Variants in LRCH1 observed in about 807,000 individuals in gnomAD.
LRCH1 encodes the protein leucine-rich repeat and calponin homology domain-containing protein 1.
LRCH1 carries 23 observed loss-of-function variants against 94.9 expected under a neutral mutation model. The observed-to-expected ratio is 0.24, with a 90% CI of 0.17 to 0.34. The LOEUF (loss-of-function observed/expected upper bound fraction) is 0.34. Among genes scored for constraint, LRCH1 ranks in the 10% least tolerant of loss-of-function variants. The pLI is 1.00. For missense variants in LRCH1, 790 were observed against 945.9 expected (o/e 0.84, Z 2.16); for synonymous variants, 364 against 354.9 (o/e 1.03, Z -0.29).
Position 46,744,325 on chromosome 13 carries a change from T to A in LRCH1, c.*2477T>A. On this transcript the variant is annotated 3_prime_UTR_variant, in exon 20 of 20. Transcript: ENST00000389797. ...TTCAGTACTCCCTTCCAATGTTAGATAAAAGGAGCCAAGTATCTATTTACA... is the reference window on the plus strand; with the variant it reads ...TTCAGTACTCCCTTCCAATGTTAGAAAAAAGGAGCCAAGTATCTATTTACA... The A allele has an allele frequency of 1.0e-6, 1 of 985,452 alleles. No individual in the cohort carries two copies. Among genetic ancestry groups the A allele is most frequent in the Non-Finnish European group, 1.2e-6 (1 of 829,934 alleles). The allele number at this position is 985,452 out of a possible 1,614,324, so 61.0% of individuals were successfully genotyped here.
Position 46,743,905 on chromosome 13 carries a change from T to C in LRCH1, c.*2057T>C. Reference sequence around the variant, plus strand: ...TATTTTAATTCTGGCATCCAAAGTATTCTTTGGACGCACTTTGATTTTTTT... The same window carrying C: ...TATTTTAATTCTGGCATCCAAAGTACTCTTTGGACGCACTTTGATTTTTTT... On this transcript the variant is annotated 3_prime_UTR_variant, in exon 20 of 20. Transcript: ENST00000389797. 1 of 985,428 alleles carries C rather than the reference T, an allele frequency of 1.0e-6. No homozygotes were observed. Among genetic ancestry groups the C allele is most frequent in the Non-Finnish European group, 1.2e-6 (1 of 829,900 alleles). 61.0% of individuals were successfully genotyped at this position (985,428 alleles called of 1,614,324 possible).
rs1157739766 is a variant in LRCH1 at position 46,694,935 on chromosome 13, G to A, written c.1163G>A (p.Gly388Asp). 6.2e-7 allele frequency: 1 copy of A among 1,614,128 alleles called. No individual in the cohort carries two copies. The highest frequency in any genetic ancestry group is 1.1e-5 in the South Asian group (1 of 91,084). Residue 388 changes from glycine to aspartate, a missense_variant, in exon 9 of 20, where the codon GGT becomes GAT. Physicochemically the swap from Gly to Asp is moderately conservative, Grantham distance 94. This residue lies in a region of LRCH1 where 460 missense variants were observed against 508.9 expected (regional missense o/e 0.90). Transcript: ENST00000389797. ...TTTCAACCGGAGCCTTCCCTTTTGG[G>A]TGACAGCACCAACTCAGGAGAAGAA... ...QEFQPEPSLLGDSTNSGEERD... is the reference protein window; with the variant it reads ...QEFQPEPSLLDDSTNSGEERD...
chr13:46,719,253 G>A (rs542425857), intron 16 of LRCH1, among the ~76,000 whole-genome samples: 1 of 152,342 alleles, frequency 6.6e-6, no homozygotes, highest in East Asian at 1.9e-4. Context: ...TTGCAATGAC[G>A]TTCTCCAAAC....
At chr13:46,736,118 C>G (rs1009979622) in intron 19 of LRCH1, among the ~76,000 whole-genome samples, 17 of 142,210 alleles carry the variant, frequency 1.2e-4, no homozygotes, top group South Asian at 1.2e-3. Flanking sequence ...CAAATTTGCT[C>G]TGTGTGTGTG....
intron 1 of LRCH1, among the ~76,000 whole-genome samples, chr13:46,557,298 C>G (rs760268292): frequency 7.3e-5 from 11 of 151,364 alleles, no homozygotes; most frequent in Non-Finnish European, 1.6e-4. Context: ...GCAGGAGGTT[C>G]TAGAAAATAA....
chr13:46,677,441 A>G (rs1175605846), intron 3 of LRCH1, among the ~76,000 whole-genome samples: 1 of 152,164 alleles, frequency 6.6e-6, no homozygotes, highest in Non-Finnish European at 1.5e-5. Context: ...AAACAAAACA[A>G]AACAAAAAAA....
rs183456690 is a variant in LRCH1, at chr13:46,614,844, A to C, written c.308-35357A>C. Among the ~76,000 whole-genome samples the C allele has an allele frequency of 3.3e-4, 50 of 152,336 alleles. 2 individuals carry two copies. In the Middle Eastern group the frequency reaches 0.02, roughly 62 times the overall value. ...TATCAAAACATTTTGTCCCATGAGG[A>C]GAGGCAGTGAGTCAGAAAATCCTGT... On this transcript the variant is annotated intron_variant, in intron 1 of 19. Coordinates refer to ENST00000389797, the MANE Select transcript of LRCH1 (RefSeq NM_001164211.2).
At position 46,711,831 on chromosome 13, in the gene LRCH1, A is replaced by G; in HGVS notation, c.1568A>G (p.Tyr523Cys). Residue 523 changes from tyrosine (Y) to cysteine (C), a missense_variant, in exon 14 of 20, where the codon TAT (tyrosine) becomes TGT (cysteine). Tyr to Cys is a radical substitution (Grantham distance 194). This residue lies in a region of LRCH1 where 460 missense variants were observed against 508.9 expected (regional missense o/e 0.90). Coordinates refer to ENST00000389797, the MANE Select transcript of LRCH1 (RefSeq NM_001164211.2). ...ACATTACAGAGTAACGGGAGCCAGTATTCTCCAAATGAGGTAAGTTTCTTG... is the reference window on the plus strand; with the variant it reads ...ACATTACAGAGTAACGGGAGCCAGTGTTCTCCAAATGAGGTAAGTTTCTTG... ...DLTLQSNGSQ[Y>C]SPNEIRENSP... is the part of the protein sequence containing the mutation. The G allele has an allele frequency of 6.2e-7, 1 of 1,613,198 alleles. No individual in the cohort carries two copies. The highest frequency in any genetic ancestry group is 8.5e-7 in the Non-Finnish European group (1 of 1,179,342).
intron 1 of LRCH1, among the ~76,000 whole-genome samples, chr13:46,644,987 C>T (rs1480845259): frequency 6.6e-6 from 1 of 152,176 alleles, no homozygotes; most frequent in Non-Finnish European, 1.5e-5. Flanking sequence ...GAGGCTCTGA[C>T]CAGCCCTTAG....
chr13:46,599,691 A>G (rs2050604939), intron 1 of LRCH1, among the ~76,000 whole-genome samples: 1 of 152,208 alleles, frequency 6.6e-6, no homozygotes, highest in Non-Finnish European at 1.5e-5. Context: ...AAATATTTGC[A>G]TTTTCCATGT....
intron 3 of LRCH1, among the ~76,000 whole-genome samples, chr13:46,669,754 C>G (rs974332022): frequency 2.0e-5 from 3 of 152,082 alleles, no homozygotes; most frequent in African/African-American, 7.2e-5. Flanking sequence ...TACCCTTTTT[C>G]TAAATTGGGA....
In LRCH1 at chr13:46,716,479, C is replaced by T. The variant is rs1458015099; in HGVS notation, c.1759+815C>T. Among the ~76,000 whole-genome samples the T allele has an allele frequency of 8.5e-5, 13 of 152,204 alleles. No individual in the cohort carries two copies. In the South Asian group the frequency reaches 2.5e-3, roughly 29 times the overall value. On this transcript the variant is annotated intron_variant, in intron 16 of 19. Transcript: ENST00000389797. ...CTTCAGAATACAAAGTGATTGCAGT[C>T]GAGTTAAGTGAAACAGAGAATGTGA...
chr13:46,731,551 T>A (rs1195665076), intron 18 of LRCH1, among the ~76,000 whole-genome samples: 2 of 152,322 alleles, frequency 1.3e-5, no homozygotes, highest in East Asian at 3.9e-4. Context: ...CATAAATGCC[T>A]AATTTACTGA....
At chr13:46,660,126 C>G (rs2051427703) in intron 2 of LRCH1, among the ~76,000 whole-genome samples, 1 of 150,360 alleles carries the variant, frequency 6.7e-6, no homozygotes, top group Non-Finnish European at 1.5e-5. Context: ...ATTCTCCTGC[C>G]TCGGCCTCCC....
intron 4 of LRCH1, among the ~76,000 whole-genome samples, chr13:46,682,518 G>A (rs1025777076): frequency 3.2e-4 from 48 of 152,170 alleles, no homozygotes; most frequent in African/African-American, 1.1e-3. Flanking sequence ...TTTGGGTATG[G>A]GTATGTGACG....
intron 1 of LRCH1, among the ~76,000 whole-genome samples, chr13:46,588,278 A>G (rs1244273937): frequency 1.3e-5 from 2 of 152,196 alleles, no homozygotes; most frequent in African/African-American, 4.8e-5. Context: ...ACCCCTACAA[A>G]TCTGAGATAC....
intron 9 of LRCH1, among the ~76,000 whole-genome samples, chr13:46,697,083 T>C (rs1357559801): frequency 6.6e-6 from 1 of 152,204 alleles, no homozygotes; most frequent in Non-Finnish European, 1.5e-5. Flanking sequence ...AACAGAGTTC[T>C]ATGCTTTACA....
rs545163828 is a variant in LRCH1 at position 46,564,766 on chromosome 13, G to C, written c.307+11063G>C. 1.1e-4 allele frequency among the ~76,000 whole-genome samples: 17 copies of C among 152,350 alleles called. No homozygotes were observed. The South Asian group carries it at 3.1e-3, about 28-fold the overall frequency. ...AGTTAGTGAACTTTTCTGAACATCA[G>C]GTTTGTAATTTGTTAGAAGCGAAAA... On this transcript the variant is annotated intron_variant, in intron 1 of 19. Coordinates refer to ENST00000389797, the MANE Select transcript of LRCH1 (RefSeq NM_001164211.2).
At chr13:46,573,021 C>T (rs2137922841) in intron 1 of LRCH1, among the ~76,000 whole-genome samples, 1 of 152,270 alleles carries the variant, frequency 6.6e-6, no homozygotes, top group Admixed American at 6.5e-5. Flanking sequence ...ATAATAGCAC[C>T]TGTCACAGAG....
Sources: allele counts gnomAD v4.1 joint callset (sites outside exome capture counted in the v4.1 genomes callset), GRCh38; gene constraint gnomAD v4.1.1; regional missense constraint gnomAD v4.1.1; transcripts MANE v1.5; gene names NCBI Gene and HGNC (gene_info 2026-07-23, HGNC 2026-07-21).